HERPUD2: variants seen among roughly 807,000 people sequenced by gnomAD.
HERPUD2 encodes HERPUD family member 2, also known as homocysteine-responsive endoplasmic reticulum-resident ubiquitin-like domain member 2 protein.
Under a neutral mutation model 49.9 loss-of-function variants are expected in HERPUD2, and 13 were observed. The ratio of observed to expected loss-of-function variants is 0.26; its 90% confidence interval spans 0.17 to 0.41. HERPUD2 has a LOEUF of 0.41. HERPUD2 is among the 10% of genes least tolerant of loss of function. The pLI, the probability that HERPUD2 is intolerant of heterozygous loss-of-function variation, is 1.00. For missense variants in HERPUD2, 449 were observed against 492.2 expected (o/e 0.91, Z 0.83); for synonymous variants, 172 against 171.4 (o/e 1.00, Z -0.03).
At chr7:35,649,521 C>T (rs1295114647) in intron 5 of HERPUD2, among the ~76,000 whole-genome samples, 1 of 152,068 alleles carries the variant, frequency 6.6e-6, no homozygotes, top group Non-Finnish European at 1.5e-5. Flanking sequence ...ATCCTGAGAA[C>T]ATGTGCCCAA....
chr7:35,658,624 C>A (rs1156652872), intron 5 of HERPUD2, among the ~76,000 whole-genome samples: 1 of 151,926 alleles, frequency 6.6e-6, no homozygotes, highest in Non-Finnish European at 1.5e-5. Context: ...ACAAAACAGA[C>A]AATATAGATG....
intron 5 of HERPUD2, among the ~76,000 whole-genome samples, chr7:35,647,969 A>G (rs1490251599): frequency 1.6e-4 from 24 of 152,194 alleles, no homozygotes; most frequent in Admixed American, 1.6e-3. Context: ...AAAGATAACC[A>G]CCACACCAAC....
chr7:35,640,303 A>G (rs1169161780), intron 5 of HERPUD2, among the ~76,000 whole-genome samples: 2 of 152,152 alleles, frequency 1.3e-5, no homozygotes, highest in Non-Finnish European at 2.9e-5. Context: ...TTGAAAGTAA[A>G]TCTCCACCAA....
intron 5 of HERPUD2, among the ~76,000 whole-genome samples, chr7:35,662,832 CATT>C (rs1282429907): frequency 1.3e-5 from 2 of 152,138 alleles, no homozygotes; most frequent in Non-Finnish European, 2.9e-5. Flanking sequence ...CTCCTGGCTT[CATT>C]GATATTTTTG....
intron 2 of HERPUD2, among the ~76,000 whole-genome samples, chr7:35,682,337 GTGTGTGTGTGTGTGTGTGTGTA>G (rs1190922796): frequency 4.6e-5 from 1 of 21,854 alleles, no homozygotes; most frequent in African/African-American, 1.5e-4. Context: ...GTGTGTGTGT[GTGTGTGTGTGTGTGTGTGTGTA>G]TATATATATA....
In HERPUD2 at chr7:35,663,729, T is replaced by C. The variant is rs549089119; in HGVS notation, c.494+3705A>G. Among the ~76,000 whole-genome samples the C allele has an allele frequency of 7.2e-5, 11 of 152,242 alleles. No individual in the cohort carries two copies. The East Asian group carries it at 7.7e-4, about 11-fold the overall frequency. On this transcript the variant is annotated intron_variant, in intron 5 of 8. Coordinates refer to ENST00000311350, the MANE Select transcript of HERPUD2 (RefSeq NM_022373.5). ...GAGACTAGGACTGCAATCCCTGCCT[T>C]TTTTTTGTTTTCCATTTGCTTGGTA...
At chr7:35,687,893 T>C (rs1460251252) in intron 2 of HERPUD2, among the ~76,000 whole-genome samples, 3 of 152,226 alleles carry the variant, frequency 2.0e-5, no homozygotes, top group African/African-American at 7.2e-5. Context: ...AAGGATTAAA[T>C]GGGTCTTTCA....
chr7:35,670,146 A>C, intron 4 of HERPUD2, 69 bp downstream of exon 4: 1 of 673,160 alleles, frequency 1.5e-6, no homozygotes, highest in Non-Finnish European at 2.5e-6. Flanking sequence ...TAGTTTTTAG[A>C]GGCAAAAAAT....
chr7:35,684,517 G>T (rs960634080), intron 2 of HERPUD2, among the ~76,000 whole-genome samples: 1 of 131,258 alleles, frequency 7.6e-6, no homozygotes, highest in Non-Finnish European at 1.7e-5. Flanking sequence ...AACTGTGAGA[G>T]ACAGATATAT....
At chr7:35,692,931 T>C (rs6953354) in intron 2 of HERPUD2, among the ~76,000 whole-genome samples, 28,959 of 152,202 alleles carry the variant, frequency 0.19, 3,242 homozygotes, top group African/African-American at 0.31. Flanking sequence ...TGCTTAAATG[T>C]ACCTGATGCC....
At chr7:35,665,250 C>G (rs1374382636) in intron 5 of HERPUD2, among the ~76,000 whole-genome samples, 1 of 152,224 alleles carries the variant, frequency 6.6e-6, no homozygotes, top group African/African-American at 2.4e-5. Flanking sequence ...CCTCCTTGAG[C>G]TGAGGTGGGC....
intron 5 of HERPUD2, among the ~76,000 whole-genome samples, chr7:35,640,955 G>A (rs1349008253): frequency 6.6e-6 from 1 of 151,972 alleles, no homozygotes; most frequent in African/African-American, 2.4e-5. Flanking sequence ...AGATAGCCTA[G>A]AAGAAACTAG....
At chr7:35,686,732 A>AC (rs1271468976) in intron 2 of HERPUD2, among the ~76,000 whole-genome samples, 2 of 109,760 alleles carry the variant, frequency 1.8e-5, no homozygotes, top group African/African-American at 3.9e-5. Context: ...AAAAAAAAAA[A>AC]AAAAAAAAAA....
chr7:35,672,049 G>C (rs1437981292), intron 3 of HERPUD2, among the ~76,000 whole-genome samples: 1 of 151,944 alleles, frequency 6.6e-6, no homozygotes, highest in Non-Finnish European at 1.5e-5. Context: ...AAAACTCATA[G>C]AAAGTGCAAC....
At chr7:35,663,982 C>T (rs1237232568) in intron 5 of HERPUD2, among the ~76,000 whole-genome samples, 2 of 152,112 alleles carry the variant, frequency 1.3e-5, no homozygotes, top group African/African-American at 4.8e-5. Context: ...CAGTTTCTCC[C>T]TAGTATAGAT....
chr7:35,650,707 C>T (rs1473743455), intron 5 of HERPUD2, among the ~76,000 whole-genome samples: 4 of 152,152 alleles, frequency 2.6e-5, no homozygotes, highest in African/African-American at 9.7e-5. Flanking sequence ...TGAGGACAGG[C>T]TACCAGCTTG....
intron 2 of HERPUD2, among the ~76,000 whole-genome samples, chr7:35,691,830 C>T (rs1158381331): frequency 6.6e-6 from 1 of 152,138 alleles, no homozygotes; most frequent in African/African-American, 2.4e-5. Flanking sequence ...TATGGCTTTG[C>T]GATACCATTA....
intron 2 of HERPUD2, among the ~76,000 whole-genome samples, chr7:35,678,100 T>C (rs1039946609): frequency 7.2e-5 from 11 of 152,210 alleles, no homozygotes. Flanking sequence ...TTCATGAGGC[T>C]CTAATGAGAT....
At chr7:35,644,627 T>C (rs939696367) in intron 5 of HERPUD2, among the ~76,000 whole-genome samples, 1 of 151,714 alleles carries the variant, frequency 6.6e-6, no homozygotes, top group African/African-American at 2.4e-5. Flanking sequence ...AATTAGCCAG[T>C]GTGGAGACGT....
Sources: gnomAD v4.1 joint callset for allele counts (sites outside exome capture counted in the v4.1 genomes callset) on GRCh38, gnomAD v4.1.1 for gene constraint, MANE v1.5 for transcripts, NCBI Gene and HGNC (gene_info 2026-07-23, HGNC 2026-07-21) for gene names.